HIVEP3: variants seen among roughly 807,000 people sequenced by gnomAD.
HIVEP3 encodes the protein HIVEP zinc finger 3.
Under a neutral mutation model 152.8 loss-of-function variants are expected in HIVEP3, and 49 were observed. That is an observed-to-expected ratio of 0.32 (90% CI 0.26 to 0.41). The LOEUF (loss-of-function observed/expected upper bound fraction) is 0.41. Among genes scored for constraint, HIVEP3 ranks in the 10% least tolerant of loss-of-function variants. The probability of loss-of-function intolerance (pLI) is 1.00; values close to 1 mark genes in which losing one functional copy is unlikely to be tolerated. For missense variants in HIVEP3, 2,790 were observed against 3,103.3 expected (o/e 0.90, Z 2.40); for synonymous variants, 1,269 against 1,289.0 (o/e 0.98, Z 0.33).
At chr1:41,949,322 G>T (rs184547349) in intron 1 of HIVEP3, among the ~76,000 whole-genome samples, 2 of 152,106 alleles carry the variant, frequency 1.3e-5, no homozygotes, top group South Asian at 4.1e-4. Flanking sequence ...TCGCATTGGC[G>T]GTATCACAAC....
intron 1 of HIVEP3, among the ~76,000 whole-genome samples, chr1:41,954,202 T>C (rs1645125984): frequency 6.6e-6 from 1 of 152,310 alleles, no homozygotes; most frequent in South Asian, 2.1e-4. Flanking sequence ...GTGTGGAATA[T>C]TTAAAGGTTC....
rs910963070 is a variant in HIVEP3, at chr1:41,525,659, C to T, written c.5208-749G>A. Reference sequence around the variant, plus strand: ...AGGATGCAGGGTCCCAGCCACCTGCCACATCGCTTGGGGTTCTATCTGGAA... The same window carrying T: ...AGGATGCAGGGTCCCAGCCACCTGCTACATCGCTTGGGGTTCTATCTGGAA... On this transcript the variant is annotated intron_variant, in intron 5 of 8. Transcript: ENST00000372583. Among the ~76,000 whole-genome samples the T allele has an allele frequency of 5.9e-5, 9 of 152,216 alleles. No homozygotes were observed. In the South Asian group the frequency reaches 1.7e-3, roughly 28 times the overall value.
intron 1 of HIVEP3, among the ~76,000 whole-genome samples, chr1:41,835,032 A>T (rs1191871139): frequency 6.6e-6 from 1 of 152,204 alleles, no homozygotes; most frequent in East Asian, 1.9e-4. Flanking sequence ...CCACGAAGCC[A>T]TTGCAGGGTT....
At chr1:41,958,967 C>A (rs1429228849) in intron 1 of HIVEP3, among the ~76,000 whole-genome samples, 1 of 152,162 alleles carries the variant, frequency 6.6e-6, no homozygotes, top group Non-Finnish European at 1.5e-5. Flanking sequence ...TAAGGCCAAC[C>A]AGTGAGCACT....
At chr1:41,952,359 C>G (rs1367424313) in intron 1 of HIVEP3, among the ~76,000 whole-genome samples, 2 of 152,160 alleles carry the variant, frequency 1.3e-5, no homozygotes, top group African/African-American at 4.8e-5. Context: ...TCCTAGTTGT[C>G]TCTCCAAAAT....
At position 41,787,220 on chromosome 1, in the gene HIVEP3, C is replaced by T. The variant is rs191564725; in HGVS notation, c.-800-86225G>A. Among the ~76,000 whole-genome samples, 6 of 152,298 alleles carry T rather than the reference C, an allele frequency of 3.9e-5. No homozygotes were observed. In the East Asian group the frequency reaches 7.7e-4, roughly 20 times the overall value. On this transcript the variant is annotated intron_variant, in intron 1 of 8. Coordinates refer to ENST00000372583, the MANE Select transcript of HIVEP3 (RefSeq NM_024503.5). ...AAATAATGCCCGTGTCTGATGCATG[C>T]ACTACGCCGCAACAGTATCTGACAG...
At chr1:41,886,424 C>T (rs1644347462) in intron 1 of HIVEP3, among the ~76,000 whole-genome samples, 1 of 152,016 alleles carries the variant, frequency 6.6e-6, no homozygotes, top group African/African-American at 2.4e-5. Context: ...TTGAAATATA[C>T]AGAGCGGTCC....
At chr1:41,882,705 A>G (rs1644282396) in intron 1 of HIVEP3, among the ~76,000 whole-genome samples, 1 of 152,234 alleles carries the variant, frequency 6.6e-6, no homozygotes, top group African/African-American at 2.4e-5. Flanking sequence ...CCCTGGGCAC[A>G]TAACAAGCAC....
At chr1:41,656,793 C>T (rs1645635250) in intron 2 of HIVEP3, among the ~76,000 whole-genome samples, 1 of 152,194 alleles carries the variant, frequency 6.6e-6, no homozygotes, top group Non-Finnish European at 1.5e-5. Context: ...CAGCAAATTA[C>T]ACAGTGAGAA....
intron 1 of HIVEP3, among the ~76,000 whole-genome samples, chr1:41,798,614 T>C (rs1384717359): frequency 3.9e-5 from 6 of 152,258 alleles, no homozygotes; most frequent in Non-Finnish European, 8.8e-5. Context: ...GGTTCTCTTC[T>C]GCTGCCTTTT....
chr1:41,772,868 T>G (rs561767015), intron 1 of HIVEP3, among the ~76,000 whole-genome samples: 1 of 152,148 alleles, frequency 6.6e-6, no homozygotes, highest in Non-Finnish European at 1.5e-5. Context: ...ATAGTGCCAC[T>G]GCACTCCAAC....
At chr1:41,596,488 T>A (rs892444841) in intron 3 of HIVEP3, among the ~76,000 whole-genome samples, 1 of 152,184 alleles carries the variant, frequency 6.6e-6, no homozygotes, top group Non-Finnish European at 1.5e-5. Context: ...GGCCTGTGGC[T>A]TAACCAGTTC....
intron 2 of HIVEP3, among the ~76,000 whole-genome samples, chr1:41,650,829 A>C (rs1006701596): frequency 6.6e-6 from 1 of 152,108 alleles, no homozygotes; most frequent in African/African-American, 2.4e-5. Flanking sequence ...ATATCCTCCC[A>C]CGTTAAGACC....
chr1:41,962,300 C>A (rs1026615819), intron 1 of HIVEP3, among the ~76,000 whole-genome samples: 1 of 152,236 alleles, frequency 6.6e-6, no homozygotes, highest in African/African-American at 2.4e-5. Flanking sequence ...AGAGCTTACT[C>A]AGGTCAGCCT....
intron 1 of HIVEP3, among the ~76,000 whole-genome samples, chr1:41,773,941 A>C (rs1648530687): frequency 6.6e-6 from 1 of 152,256 alleles, no homozygotes; most frequent in Non-Finnish European, 1.5e-5. Context: ...ATTAAAGACA[A>C]AATCAATGCT....
At chr1:41,910,150 G>C (rs1452226757) in intron 1 of HIVEP3, among the ~76,000 whole-genome samples, 2 of 151,980 alleles carry the variant, frequency 1.3e-5, no homozygotes, top group Non-Finnish European at 2.9e-5. Flanking sequence ...TCAAGGATTA[G>C]AGATAGTCTC....
At chr1:41,706,363 C>T (rs774658814) in intron 1 of HIVEP3, among the ~76,000 whole-genome samples, 1 of 152,152 alleles carries the variant, frequency 6.6e-6, no homozygotes, top group East Asian at 1.9e-4. Context: ...TTCACTGCAA[C>T]CTCTGCCTCC....
chr1:41,976,204 G>A (rs925939960), intron 1 of HIVEP3, among the ~76,000 whole-genome samples: 11 of 152,174 alleles, frequency 7.2e-5, no homozygotes, highest in South Asian at 2.1e-4. Context: ...CACTCTTGCC[G>A]TACCTTTCAT....
chr1:41,889,137 A>C (rs908541885), intron 1 of HIVEP3, among the ~76,000 whole-genome samples: 7 of 149,278 alleles, frequency 4.7e-5, no homozygotes. Flanking sequence ...CACACCCCCC[A>C]CATACCTCAC....
Sources: gnomAD v4.1 joint callset for allele counts (sites outside exome capture counted in the v4.1 genomes callset) on GRCh38, gnomAD v4.1.1 for gene constraint, MANE v1.5 for transcripts, NCBI Gene and HGNC (gene_info 2026-07-23, HGNC 2026-07-21) for gene names.